The following MYT1L variants were observed in gnomAD, a reference collection of about 807,000 sequenced individuals.
MYT1L encodes myelin transcription factor 1-like protein.
In MYT1L, 12 loss-of-function variants were observed where a neutral mutation model predicts 126.7. The ratio of observed to expected loss-of-function variants is 0.09; its 90% confidence interval spans 0.06 to 0.15. The LOEUF is 0.15. Ranked by LOEUF, MYT1L falls within the 10% of genes least tolerant of loss-of-function variation. The pLI is 1.00. For missense variants in MYT1L, 979 were observed against 1,585.2 expected (o/e 0.62, Z 6.49); for synonymous variants, 541 against 604.2 (o/e 0.90, Z 1.53).
At chr2:1,851,973 G>C (rs1236813791) in intron 18 of MYT1L, among the ~76,000 whole-genome samples, 2 of 152,120 alleles carry the variant, frequency 1.3e-5, no homozygotes, top group Non-Finnish European at 2.9e-5. Context: ...GCTCATTCTA[G>C]AACCTGTATT....
chr2:2,238,597 G>C (rs774406612), intron 2 of MYT1L, among the ~76,000 whole-genome samples: 1 of 152,178 alleles, frequency 6.6e-6, no homozygotes, highest in Non-Finnish European at 1.5e-5. Flanking sequence ...CTAAGGGATC[G>C]GCACCCACCA....
chr2:2,136,113 C>T (rs573426816), intron 3 of MYT1L, among the ~76,000 whole-genome samples: 1 of 152,284 alleles, frequency 6.6e-6, no homozygotes, highest in East Asian at 1.9e-4. Context: ...TCTCAGCAAA[C>T]TAACACAGGA....
chr2:1,976,930 T>C (rs868849827), intron 8 of MYT1L, among the ~76,000 whole-genome samples: 1 of 152,196 alleles, frequency 6.6e-6, no homozygotes, highest in African/African-American at 2.4e-5. Flanking sequence ...CTGAAGGCTG[T>C]AGACGTTACG....
chr2:2,123,019 G>GC (rs2081255804), intron 3 of MYT1L, among the ~76,000 whole-genome samples: 3 of 152,068 alleles, frequency 2.0e-5, no homozygotes, highest in Admixed American at 1.3e-4. Flanking sequence ...ACTGAGAGAA[G>GC]CCAGGAGATT....
At chr2:2,163,609 G>A (rs2088431165) in intron 3 of MYT1L, among the ~76,000 whole-genome samples, 1 of 151,746 alleles carries the variant, frequency 6.6e-6, no homozygotes, top group African/African-American at 2.4e-5. Context: ...GCGGGCGCCT[G>A]TAGTCCCAGC....
At chr2:2,321,433 C>A (rs2096163691) in intron 1 of MYT1L, among the ~76,000 whole-genome samples, 1 of 152,112 alleles carries the variant, frequency 6.6e-6, no homozygotes, top group Non-Finnish European at 1.5e-5. Flanking sequence ...CTTTCAGCTT[C>A]TGTTCAGATG....
intron 18 of MYT1L, among the ~76,000 whole-genome samples, chr2:1,856,199 T>G (rs900092713): frequency 1.8e-4 from 27 of 152,208 alleles, no homozygotes; most frequent in African/African-American, 6.5e-4. Context: ...GGTAGAAACA[T>G]CTGTTCCTGT....
Position 2,072,834 on chromosome 2 carries a change from T to C in MYT1L, c.-303-18711A>G, listed in dbSNP as rs1474876095. 2.0e-5 allele frequency among the ~76,000 whole-genome samples: 3 copies of C among 152,188 alleles called. No individual in the cohort carries two copies. In the East Asian group the frequency reaches 5.8e-4, roughly 29 times the overall value. ...AGCTGCTTGCTGCCCCTTTACCATTTGCCATCATTGTAAGTTTCCTGAGGC... is the reference window on the plus strand; with the variant it reads ...AGCTGCTTGCTGCCCCTTTACCATTCGCCATCATTGTAAGTTTCCTGAGGC... On this transcript the variant is annotated intron_variant, in intron 3 of 24. Coordinates refer to ENST00000647738, the MANE Select transcript of MYT1L (RefSeq NM_001303052.2).
At chr2:1,891,228 C>G (rs1017967278) in intron 15 of MYT1L, among the ~76,000 whole-genome samples, 1 of 152,208 alleles carries the variant, frequency 6.6e-6, no homozygotes, top group African/African-American at 2.4e-5. Flanking sequence ...GTGGTCCACT[C>G]AGGTACATGG....
intron 3 of MYT1L, among the ~76,000 whole-genome samples, chr2:2,076,310 C>T (rs1273650981): frequency 6.6e-6 from 1 of 152,186 alleles, no homozygotes; most frequent in African/African-American, 2.4e-5. Flanking sequence ...AGGCTCTTTA[C>T]AAGCATGGAT....
intron 23 of MYT1L, 85 bp from the exon 24 acceptor site, chr2:1,792,549 T>C: frequency 7.0e-7 from 1 of 1,423,894 alleles, no homozygotes; most frequent in Non-Finnish European, 9.5e-7. Context: ...GTCTACTGGG[T>C]GCGAAGAAGG....
At chr2:2,150,550 G>T (rs561386555) in intron 3 of MYT1L, among the ~76,000 whole-genome samples, 6 of 152,218 alleles carry the variant, frequency 3.9e-5, no homozygotes, top group African/African-American at 1.4e-4. Context: ...TTCCAACTAA[G>T]ACCAATTGCT....
At chr2:2,019,196 T>C (rs192655524) in intron 4 of MYT1L, among the ~76,000 whole-genome samples, 1 of 152,254 alleles carries the variant, frequency 6.6e-6, no homozygotes, top group Admixed American at 6.5e-5. Flanking sequence ...TGGGAGGTAA[T>C]TGAATCATGG....
At chr2:2,268,763 G>A (rs994991120) in intron 2 of MYT1L, among the ~76,000 whole-genome samples, 2 of 152,000 alleles carry the variant, frequency 1.3e-5, no homozygotes, top group African/African-American at 2.4e-5. Flanking sequence ...GCTGCCTTCC[G>A]TTTACAGAAC....
intron 2 of MYT1L, among the ~76,000 whole-genome samples, chr2:2,226,602 CTCA>C (rs2094016319): frequency 6.6e-6 from 1 of 152,168 alleles, no homozygotes; most frequent in African/African-American, 2.4e-5. Context: ...ACCTCTCCAA[CTCA>C]GTGGCAGGGC....
intron 4 of MYT1L, among the ~76,000 whole-genome samples, chr2:2,029,603 G>A (rs1046475065): frequency 5.9e-5 from 9 of 152,146 alleles, no homozygotes; most frequent in African/African-American, 1.4e-4. Flanking sequence ...CAGCAAAGCC[G>A]TATCGATGTG....
In MYT1L at chr2:2,263,460, T is replaced by C. The variant is rs1572948952; in HGVS notation, c.-421+20944A>G. ...AAATGCCTGAACCGTGTGGCGCAGA[T>C]GACCTTTTGGATGTGAGTGTGAACT... On this transcript the variant is annotated intron_variant, in intron 2 of 24. Transcript: ENST00000647738. 2.0e-5 allele frequency among the ~76,000 whole-genome samples: 3 copies of C among 152,202 alleles called. No homozygotes were observed. The South Asian group carries it at 6.2e-4, about 32-fold the overall frequency.
intron 19 of MYT1L, among the ~76,000 whole-genome samples, chr2:1,844,637 C>A (rs1411346851): frequency 6.6e-6 from 1 of 152,092 alleles, no homozygotes; most frequent in African/African-American, 2.4e-5. Context: ...TATTTTGGGG[C>A]AGAAATACCT....
At chr2:2,103,017 T>C (rs2078288539) in intron 3 of MYT1L, among the ~76,000 whole-genome samples, 1 of 152,124 alleles carries the variant, frequency 6.6e-6, no homozygotes, top group South Asian at 2.1e-4. Context: ...TGCGTGTATT[T>C]AGCGCTAATT....
Sources: gnomAD v4.1 joint callset for allele counts (sites outside exome capture counted in the v4.1 genomes callset) on GRCh38, gnomAD v4.1.1 for gene constraint, MANE v1.5 for transcripts, NCBI Gene and HGNC (gene_info 2026-07-23, HGNC 2026-07-21) for gene names.